Variants in RAB11FIP4 observed in about 807,000 individuals in gnomAD.
RAB11FIP4 encodes rab11 family-interacting protein 4.
In RAB11FIP4, 23 loss-of-function variants were observed where a neutral mutation model predicts 74.3. That is an observed-to-expected ratio of 0.31 (90% CI 0.22 to 0.44). RAB11FIP4 has a LOEUF of 0.44. RAB11FIP4 is among the 20% of genes least tolerant of loss of function. The pLI, the probability that RAB11FIP4 is intolerant of heterozygous loss-of-function variation, is 1.00. For missense variants in RAB11FIP4, 630 were observed against 863.9 expected, an observed-to-expected ratio of 0.73 and a Z score of 3.39; for synonymous variants, 360 against 359.9, an observed-to-expected ratio of 1.00 and a Z score of 0.00.
At chr17:31,437,748 C>G (rs1311964090) in intron 3 of RAB11FIP4, among the ~76,000 whole-genome samples, 1 of 152,166 alleles carries the variant, frequency 6.6e-6, no homozygotes. Flanking sequence ...GGGCCAGCAG[C>G]TGCCACCTGG....
chr17:31,451,367 A>G (rs749400575), intron 3 of RAB11FIP4, among the ~76,000 whole-genome samples: 2 of 151,442 alleles, frequency 1.3e-5, no homozygotes, highest in Admixed American at 6.6e-5. Flanking sequence ...GCTGAGGCAG[A>G]AGAATCACTT....
Position 31,505,505 on chromosome 17 carries a change from T to C in RAB11FIP4, c.337-12146T>C, listed in dbSNP as rs1199970664. 9.4e-4 allele frequency among the ~76,000 whole-genome samples: 55 copies of C among 58,756 alleles called. 2 individuals carry two copies. Among genetic ancestry groups the C allele is most frequent in the African/African-American group, 3.1e-3 (49 of 15,900 alleles). 38.5% of individuals were successfully genotyped at this position (58,756 alleles called of 152,430 possible). A position where few individuals can be genotyped will look rare whatever the true frequency, so the allele number is the denominator to read the frequency against. ...AATATATAATATATAATTATTATAT[T>C]ATATATAATAATTATATATTATATA... On this transcript the variant is annotated intron_variant, in intron 3 of 14. Coordinates refer to ENST00000621161, the MANE Select transcript of RAB11FIP4 (RefSeq NM_032932.6).
intron 3 of RAB11FIP4, among the ~76,000 whole-genome samples, chr17:31,479,262 G>C (rs2071823796): frequency 6.6e-6 from 1 of 152,224 alleles, no homozygotes; most frequent in Non-Finnish European, 1.5e-5. Context: ...TAGAGGAATT[G>C]TTTCTTCAGA....
chr17:31,434,661 A>G (rs2071341467), intron 3 of RAB11FIP4, among the ~76,000 whole-genome samples: 1 of 152,304 alleles, frequency 6.6e-6, no homozygotes, highest in African/African-American at 2.4e-5. Context: ...CAGGGTTCCC[A>G]GGACCACCTC....
intron 3 of RAB11FIP4, among the ~76,000 whole-genome samples, chr17:31,436,764 GTTTTTTTTTGTTTTTTGTT>G (rs2071361650): frequency 6.8e-6 from 1 of 147,256 alleles, no homozygotes; most frequent in Non-Finnish European, 1.5e-5. Context: ...TTTTTTTTTT[GTTTTTTTTTGTTTTTTGTT>G]TTTTTTGTTT....
intron 3 of RAB11FIP4, among the ~76,000 whole-genome samples, chr17:31,479,882 G>A (rs2071829846): frequency 6.6e-6 from 1 of 152,116 alleles, no homozygotes; most frequent in South Asian, 2.1e-4. Context: ...TTTCCCATTG[G>A]TGAAATGGGA....
chr17:31,460,790 G>C (rs916658310), intron 3 of RAB11FIP4, among the ~76,000 whole-genome samples: 4 of 152,074 alleles, frequency 2.6e-5, no homozygotes, highest in Admixed American at 2.6e-4. Flanking sequence ...GAGTGCAGTG[G>C]TGTGATCCTA....
In RAB11FIP4 at chr17:31,451,643, G is replaced by C. The variant is rs1175513287; in HGVS notation, c.336+17521G>C. 3.9e-5 allele frequency among the ~76,000 whole-genome samples: 6 copies of C among 152,172 alleles called. No individual in the cohort carries two copies. In the East Asian group the frequency reaches 1.2e-3, roughly 29 times the overall value. On this transcript the variant is annotated intron_variant, in intron 3 of 14. Transcript: ENST00000621161. ...TCTCACTGTTCAGCCACCCTGACCT[G>C]TTTTCTGTTCCTCAAACTGCCCAAG...
intron 3 of RAB11FIP4, among the ~76,000 whole-genome samples, chr17:31,462,215 G>A (rs1044798734): frequency 1.3e-5 from 2 of 151,732 alleles, no homozygotes; most frequent in Non-Finnish European, 2.9e-5. Flanking sequence ...GCAGTGAGCC[G>A]AGATCGTGCC....
chr17:31,439,481 CT>C, intron 3 of RAB11FIP4, among the ~76,000 whole-genome samples: 1 of 152,350 alleles, frequency 6.6e-6, no homozygotes, highest in Non-Finnish European at 1.5e-5. Context: ...GGCGGACCAT[CT>C]TTTTCTTATC....
intron 1 of RAB11FIP4, among the ~76,000 whole-genome samples, chr17:31,414,827 G>C (rs1241037646): frequency 6.6e-6 from 1 of 152,220 alleles, no homozygotes; most frequent in Non-Finnish European, 1.5e-5. Flanking sequence ...GGGCCCTCCA[G>C]CTGTGAGAAC....
intron 3 of RAB11FIP4, among the ~76,000 whole-genome samples, chr17:31,467,195 C>T (rs1768197261): frequency 6.6e-6 from 1 of 152,144 alleles, no homozygotes; most frequent in Non-Finnish European, 1.5e-5. Flanking sequence ...TCACTGCAAC[C>T]TCCACTTCCC....
chr17:31,466,307 C>A (rs1470285573), intron 3 of RAB11FIP4, among the ~76,000 whole-genome samples: 3 of 152,138 alleles, frequency 2.0e-5, no homozygotes, highest in African/African-American at 7.2e-5. Flanking sequence ...GGGATTGATT[C>A]CTGAATCCGC....
chr17:31,528,824 C>A (rs373930095), intron 13 of RAB11FIP4, 46 bp downstream of exon 13: 100 of 1,571,504 alleles, frequency 6.4e-5, no homozygotes, highest in Non-Finnish European at 7.1e-5. Context: ...GTGGCCGGGC[C>A]CACCACGTGG....
intron 3 of RAB11FIP4, among the ~76,000 whole-genome samples, chr17:31,453,355 CAAAAAAAAAAAAAA>C (rs747844559): frequency 1.4e-5 from 1 of 71,772 alleles, no homozygotes; most frequent in Non-Finnish European, 2.5e-5. Flanking sequence ...GACCCTACCT[CAAAAAAAAAAAAAA>C]AAAAAAAAAA....
intron 3 of RAB11FIP4, among the ~76,000 whole-genome samples, chr17:31,438,713 C>T (rs1362759472): frequency 3.9e-5 from 6 of 152,300 alleles, no homozygotes; most frequent in South Asian, 2.1e-4. Context: ...AACCGCTCCC[C>T]GTTTCCTGAG....
chr17:31,460,422 G>A (rs1313971925), intron 3 of RAB11FIP4, among the ~76,000 whole-genome samples: 5 of 152,092 alleles, frequency 3.3e-5, no homozygotes, highest in Admixed American at 6.6e-5. Context: ...ATCTCTGAAC[G>A]TTGTTTTCTT....
At chr17:31,473,287 C>T (rs1028695920) in intron 3 of RAB11FIP4, among the ~76,000 whole-genome samples, 3 of 151,982 alleles carry the variant, frequency 2.0e-5, no homozygotes, top group Admixed American at 1.3e-4. Context: ...CGCTTATAAT[C>T]CCAGCACTTT....
chr17:31,426,645 C>T (rs1307202605), intron 1 of RAB11FIP4, among the ~76,000 whole-genome samples: 3 of 133,842 alleles, frequency 2.2e-5, no homozygotes, highest in African/African-American at 8.4e-5. Context: ...GTTGCCCAGG[C>T]TGGAGTGCAA....
Sources: gnomAD v4.1 joint callset for allele counts (sites outside exome capture counted in the v4.1 genomes callset) on GRCh38, gnomAD v4.1.1 for gene constraint, MANE v1.5 for transcripts, NCBI Gene and HGNC (gene_info 2026-07-23, HGNC 2026-07-21) for gene names.